The following CNDP2 variants were observed in gnomAD, a reference collection of about 807,000 sequenced individuals.
The protein encoded by CNDP2 is carnosine dipeptidase 2, also known as cytosolic non-specific dipeptidase.
CNDP2 carries 38 observed loss-of-function variants against 55.0 expected under a neutral mutation model. The observed-to-expected ratio is 0.69, with a 90% CI of 0.53 to 0.90. The LOEUF (loss-of-function observed/expected upper bound fraction) is 0.90. CNDP2 is among the 40% of genes least tolerant of loss of function. The probability of loss-of-function intolerance (pLI) is 0.00; values close to 1 mark genes in which losing one functional copy is unlikely to be tolerated. For synonymous variants in CNDP2, 241 were observed against 260.2 expected (o/e 0.93, Z 0.71); for missense variants, 607 against 621.7 (o/e 0.98, Z 0.25).
At chr18:74,515,666 T>C (rs565118337) in intron 8 of CNDP2, among the ~76,000 whole-genome samples, 2 of 152,266 alleles carry the variant, frequency 1.3e-5, no homozygotes, top group African/African-American at 4.8e-5. Context: ...AAGGTCATGA[T>C]ATTGATGACA....
chr18:74,515,786 G>C (rs1436214546), intron 8 of CNDP2, among the ~76,000 whole-genome samples: 3 of 152,160 alleles, frequency 2.0e-5, no homozygotes, highest in Non-Finnish European at 4.4e-5. Flanking sequence ...TCTCTCAGTA[G>C]GAACGGGCTG....
chr18:74,510,066 C>G (rs572341199), intron 5 of CNDP2, among the ~76,000 whole-genome samples: 1 of 152,202 alleles, frequency 6.6e-6, no homozygotes, highest in African/African-American at 2.4e-5. Context: ...GGAGGCACCT[C>G]GGGCTCTGGG....
chr18:74,497,415 C>G (rs1163415703), intron 1 of CNDP2: 3 of 152,236 alleles, frequency 2.0e-5, no homozygotes, highest in African/African-American at 7.2e-5. Flanking sequence ...CTAGAAGACT[C>G]ATTTGTGTGT....
intron 4 of CNDP2, chr18:74,508,126 G>A (rs988044808): frequency 1.3e-5 from 2 of 152,264 alleles, no homozygotes; most frequent in African/African-American, 2.4e-5. Context: ...CCACGAGAAG[G>A]CCACGCCTTG....
rs1322924367 is a variant in CNDP2, at chr18:74,501,316, T to C, written c.61-13T>C. On this transcript the variant is annotated splice_polypyrimidine_tract_variant and intron_variant, in intron 2 of 11. Coordinates refer to ENST00000324262, the MANE Select transcript of CNDP2 (RefSeq NM_018235.3). Reference sequence around the variant, plus strand: ...CTTTTCAGAATCCCTCGTTGCTTCTTGTCCACAAACAGAAACTCGCAAAAT... The same window carrying C: ...CTTTTCAGAATCCCTCGTTGCTTCTCGTCCACAAACAGAAACTCGCAAAAT... 6.2e-7 allele frequency: 1 copy of C among 1,610,778 alleles called. No homozygotes were observed. The highest frequency in any genetic ancestry group is 8.5e-7 in the Non-Finnish European group (1 of 1,178,302).
intron 4 of CNDP2, chr18:74,507,450 C>G (rs1979094700): frequency 6.5e-6 from 1 of 152,828 alleles, no homozygotes; most frequent in Non-Finnish European, 1.5e-5. Flanking sequence ...CACTCCTTTT[C>G]TGGGCTGCTC....
At chr18:74,508,053 T>C (rs1368042635) in intron 4 of CNDP2, 2 of 152,276 alleles carry the variant, frequency 1.3e-5, no homozygotes, top group African/African-American at 4.8e-5. Context: ...CTGCTGAGGC[T>C]GCGGGACCTG....
intron 1 of CNDP2, 47 bp from the exon 2 acceptor site, chr18:74,499,835 A>G (rs1599058100): frequency 1.3e-5 from 8 of 638,344 alleles, no homozygotes; most frequent in Admixed American, 3.2e-5. Context: ...GCTGGCTGGG[A>G]GGGTGGGGCA....
intron 2 of CNDP2, 132 bp from the exon 3 acceptor site, chr18:74,501,197 C>T: frequency 6.9e-7 from 1 of 1,454,504 alleles, no homozygotes; most frequent in East Asian, 2.5e-5. Context: ...ATGGGTCTGT[C>T]CTATTTCCAA....
At chr18:74,502,790 C>G (rs955893646) in intron 3 of CNDP2, among the ~76,000 whole-genome samples, 1 of 152,070 alleles carries the variant, frequency 6.6e-6, no homozygotes, top group African/African-American at 2.4e-5. Flanking sequence ...TTGAGTGTGG[C>G]CATTCAGTTC....
At chr18:74,518,477 C>T (rs1204688973) in intron 9 of CNDP2, 22 bp from the exon 10 acceptor site, 1 of 1,613,790 alleles carries the variant, frequency 6.2e-7, no homozygotes, top group African/African-American at 1.3e-5. Flanking sequence ...CATTGTATAC[C>T]TCTATTCTAT....
intron 5 of CNDP2, 86 bp from the exon 6 acceptor site, chr18:74,510,727 G>A: frequency 3.4e-6 from 4 of 1,168,776 alleles, no homozygotes; most frequent in Non-Finnish European, 5.0e-6. Context: ...GAATGCCGGA[G>A]ATGTGAAATA....
At position 74,522,896 on chromosome 18, in the gene CNDP2, C is replaced by T. The variant is rs529192339; in HGVS notation, c.*2828C>T. On this transcript the variant is annotated 3_prime_UTR_variant, in exon 12 of 12. Transcript: ENST00000324262. Reference sequence around the variant, plus strand: ...CAGGCCAGTCAGCTTCCCCTGGAAGCAAGTGTGAGGTCGTCGCCTCTGGAA... The same window carrying T: ...CAGGCCAGTCAGCTTCCCCTGGAAGTAAGTGTGAGGTCGTCGCCTCTGGAA... The T allele has an allele frequency of 3.3e-5, 5 of 152,442 alleles. No individual in the cohort carries two copies. In the East Asian group the frequency reaches 7.7e-4, roughly 24 times the overall value. The allele number at this position is 152,442 out of a possible 1,614,324, so 9.4% of individuals were successfully genotyped here.
chr18:74,512,617 CA>C, intron 7 of CNDP2, 85 bp downstream of exon 7: 1 of 1,150,192 alleles, frequency 8.7e-7, no homozygotes, highest in Non-Finnish European at 1.3e-6. Flanking sequence ...GCATTGGGTG[CA>C]TTTCAGCATT....
Position 74,520,056 on chromosome 18 carries a change from G to A in CNDP2, c.1416G>A (p.Gln472=), listed in dbSNP as rs1483190833. 1.2e-6 allele frequency: 2 copies of A among 1,614,180 alleles called. No homozygotes were observed. The highest frequency in any genetic ancestry group is 2.2e-5 in the East Asian group (1 of 44,884). Residue 472 remains glutamine, a synonymous_variant, in exon 12 of 12, where the codon CAG becomes CAA. Coordinates refer to ENST00000324262, the MANE Select transcript of CNDP2 (RefSeq NM_018235.3). The part of the protein sequence containing the change: ...MLAAYLYEVS[Q]LKD Reference sequence around the variant, plus strand: ...CCGCGTACCTGTATGAGGTCTCCCAGCTGAAGGACTAGGCCAAGCCCTCTG... The same window carrying A: ...CCGCGTACCTGTATGAGGTCTCCCAACTGAAGGACTAGGCCAAGCCCTCTG...
At chr18:74,500,916 G>T (rs982332355) in intron 2 of CNDP2, among the ~76,000 whole-genome samples, 3 of 152,206 alleles carry the variant, frequency 2.0e-5, no homozygotes, top group Non-Finnish European at 4.4e-5. Context: ...GAACAGGGCA[G>T]GGAATTTCAC....
At position 74,500,021 on chromosome 18, in the gene CNDP2, T is replaced by C; in HGVS notation, c.48T>C (p.Asp16=). The C allele has an allele frequency of 1.2e-6, 2 of 1,613,916 alleles. No homozygotes were observed. Among genetic ancestry groups the C allele is most frequent in the Admixed American group, 3.3e-5 (2 of 60,004 alleles). ...TLFKYIDENQ[D]RYIKKLAKWV... ...TTAAGTACATAGATGAAAATCAGGATCGCTACATTAAGGTAAGGGAATATT... is the reference window on the plus strand; with the variant it reads ...TTAAGTACATAGATGAAAATCAGGACCGCTACATTAAGGTAAGGGAATATT... Residue 16 remains aspartate, a synonymous_variant, in exon 2 of 12, where the codon GAT becomes GAC. Transcript: ENST00000324262.
chr18:74,516,617 C>A, intron 9 of CNDP2: 1 of 436,978 alleles, frequency 2.3e-6, no homozygotes, highest in Non-Finnish European at 3.8e-6. Flanking sequence ...AAAATCTGGC[C>A]TTTGACCTCA....
chr18:74,509,185 C>T lies in CNDP2; in HGVS notation c.456+257C>T, dbSNP rs188177430. ...GGCGACTCAGCGTGATTTTTGCCAC[C>T]GCATGAAATGTGACTTTTCAGTCCC... On this transcript the variant is annotated intron_variant, in intron 5 of 11. Transcript: ENST00000324262. 645 of 464,922 alleles carry T rather than the reference C, an allele frequency of 1.4e-3. 1 individual carries two copies. The highest frequency in any genetic ancestry group is 2.0e-3 in the Non-Finnish European group (509 of 254,946). The allele number at this position is 464,922 out of a possible 1,614,324, so 28.8% of individuals were successfully genotyped here.
Sources: allele counts gnomAD v4.1 joint callset (sites outside exome capture counted in the v4.1 genomes callset), GRCh38; gene constraint gnomAD v4.1.1; transcripts MANE v1.5; gene names NCBI Gene and HGNC (gene_info 2026-07-23, HGNC 2026-07-21).